USP3: variants seen among roughly 807,000 people sequenced by gnomAD.
The protein encoded by USP3 is ubiquitin carboxyl-terminal hydrolase 3.
In USP3, 20 loss-of-function variants were observed where a neutral mutation model predicts 72.3. The ratio of observed to expected loss-of-function variants is 0.28; its 90% CI spans 0.19 to 0.40. The LOEUF is 0.40. Among genes scored for constraint, USP3 ranks in the 10% least tolerant of loss-of-function variants. The pLI is 1.00. For synonymous variants in USP3, 222 were observed against 225.3 expected (o/e 0.99, Z 0.13); for missense variants, 479 against 633.9 (o/e 0.76, Z 2.62).
Position 63,529,439 on chromosome 15 carries a change from A to G in USP3, c.92-3208A>G, listed in dbSNP as rs1020975272. Among the ~76,000 whole-genome samples the G allele has an allele frequency of 6.6e-6, 1 of 152,104 alleles. No individual in the cohort carries two copies. Among genetic ancestry groups the G allele is most frequent in the African/African-American group, 2.4e-5 (1 of 41,416 alleles). ...GTTCCGAAACATTTTCATAACCCCAAAATAAACTCTATACCAATTAAACAG... is the reference window on the plus strand; with the variant it reads ...GTTCCGAAACATTTTCATAACCCCAGAATAAACTCTATACCAATTAAACAG... On this transcript the variant is annotated intron_variant, in intron 1 of 14. Coordinates refer to ENST00000380324, the MANE Select transcript of USP3 (RefSeq NM_006537.4). This position sits in a 1 kb window ranked among gnomAD's most constrained non-coding sequence, Gnocchi z 4.2.
At chr15:63,560,190 C>T (rs910009061) in intron 7 of USP3, among the ~76,000 whole-genome samples, 4 of 152,048 alleles carry the variant, frequency 2.6e-5, no homozygotes, top group Admixed American at 6.5e-5. Context: ...GATGCTGAGG[C>T]GGGTGGATCA....
rs537468790 is a variant in USP3 at position 63,593,440 on chromosome 15, T to C, written c.*2614T>C. ...CTCTGAATGGGCAGCTGTTAAACAGTAAAGGCCTGGGCAGAGTTGATGGTG... is the reference window on the plus strand; with the variant it reads ...CTCTGAATGGGCAGCTGTTAAACAGCAAAGGCCTGGGCAGAGTTGATGGTG... On this transcript the variant is annotated 3_prime_UTR_variant, in exon 15 of 15. Transcript: ENST00000380324. The C allele has an allele frequency of 1.1e-4, 16 of 152,176 alleles. No homozygotes were observed. Among genetic ancestry groups the C allele is most frequent in the African/African-American group, 3.6e-4 (15 of 41,438 alleles). The allele number at this position is 152,176 out of a possible 1,614,324, so 9.4% of individuals were successfully genotyped here.
chr15:63,566,650 G>A (rs2066696345), intron 8 of USP3, among the ~76,000 whole-genome samples: 1 of 152,256 alleles, frequency 6.6e-6, no homozygotes, highest in African/African-American at 2.4e-5. Context: ...TTTAACAATA[G>A]TCTTTTTGGG....
intron 1 of USP3, among the ~76,000 whole-genome samples, chr15:63,516,227 AC>A (rs1490916876): frequency 6.6e-6 from 1 of 152,140 alleles, no homozygotes; most frequent in African/African-American, 2.4e-5. Flanking sequence ...TTATTTTTTA[AC>A]CCATTCAACG....
chr15:63,548,650 A>G (rs1455613467), intron 3 of USP3, among the ~76,000 whole-genome samples: 1 of 151,884 alleles, frequency 6.6e-6, no homozygotes, highest in African/African-American at 2.4e-5. Flanking sequence ...TTTAATTTTC[A>G]TAAAGATGGA....
rs1237007821 is a variant in USP3 at position 63,570,334 on chromosome 15, G to A, written c.762-99G>A. On this transcript the variant is annotated intron_variant, in intron 8 of 14. Transcript: ENST00000380324. This position sits in a 1 kb window ranked among gnomAD's most constrained non-coding sequence, Gnocchi z 4.4. ...GAAGCCTGGCTGTGCTTGTGAGCAC[G>A]GGGCTGCCGTCCTTTTCCACGCCTT... 38 of 1,511,194 alleles carry A rather than the reference G, an allele frequency of 2.5e-5. No individual in the cohort carries two copies. Among genetic ancestry groups the A allele is most frequent in the Admixed American group, 3.9e-5 (2 of 51,772 alleles). The allele number at this position is 1,511,194 out of a possible 1,614,324, so 93.6% of individuals were successfully genotyped here. A position where few individuals can be genotyped will look rare whatever the true frequency, so the allele number is the denominator to read the frequency against.
At chr15:63,569,866 A>C (rs2066751590) in intron 8 of USP3, among the ~76,000 whole-genome samples, 1 of 152,248 alleles carries the variant, frequency 6.6e-6, no homozygotes, top group African/African-American at 2.4e-5. Context: ...GCATTTTTAA[A>C]AAGTATTTAA....
chr15:63,558,731 TG>T (rs1486178968), intron 6 of USP3, among the ~76,000 whole-genome samples: 1 of 151,376 alleles, frequency 6.6e-6, no homozygotes, highest in Admixed American at 6.6e-5. Flanking sequence ...AAAAATTAGC[TG>T]GGCGTGGTGG....
In USP3 at chr15:63,534,281, T is replaced by G. The variant is rs566673799; in HGVS notation, c.152+1574T>G. On this transcript the variant is annotated intron_variant, in intron 2 of 14. Transcript: ENST00000380324. ...TTTATCATGTAATCCCAGGTGTTGATTGCCAAATTTATTGATTTTTTGGTA... is the reference window on the plus strand; with the variant it reads ...TTTATCATGTAATCCCAGGTGTTGAGTGCCAAATTTATTGATTTTTTGGTA... Among the ~76,000 whole-genome samples the G allele has an allele frequency of 3.9e-5, 6 of 152,326 alleles. No homozygotes were observed. In the East Asian group the frequency reaches 1.2e-3, roughly 29 times the overall value.
At chr15:63,545,982 A>AC in intron 3 of USP3, among the ~76,000 whole-genome samples, 1 of 151,146 alleles carries the variant, frequency 6.6e-6, no homozygotes, top group Non-Finnish European at 1.5e-5. Context: ...AAAAAAAAAA[A>AC]AAAAAAAAAA....
chr15:63,560,288 T>C (rs1000027704), intron 7 of USP3, among the ~76,000 whole-genome samples: 4 of 151,576 alleles, frequency 2.6e-5, no homozygotes, highest in South Asian at 2.1e-4. Flanking sequence ...TGGTGGCGGG[T>C]ACCTGTAATC....
At chr15:63,534,193 CAG>C (rs142466151) in intron 2 of USP3, among the ~76,000 whole-genome samples, 2,014 of 152,234 alleles carry the variant, frequency 0.013, 37 homozygotes, top group African/African-American at 0.042. Context: ...GTAGATTAAA[CAG>C]AAAATTCAGA....
chr15:63,579,485 A>C (rs2066917911), intron 11 of USP3, among the ~76,000 whole-genome samples: 1 of 152,212 alleles, frequency 6.6e-6, no homozygotes, highest in African/African-American at 2.4e-5. Context: ...TTAGGCAATA[A>C]ATGGTGTTAG....
chr15:63,547,180 C>A (rs1175876862), intron 3 of USP3, among the ~76,000 whole-genome samples: 3 of 152,210 alleles, frequency 2.0e-5, no homozygotes, highest in African/African-American at 7.2e-5. Flanking sequence ...CAGGCACTCT[C>A]ACCTTAGAAG....
In USP3 at chr15:63,590,862, G is replaced by C; in HGVS notation, c.*36G>C. 1 of 1,561,328 alleles carries C rather than the reference G, an allele frequency of 6.4e-7. No homozygotes were observed. Among genetic ancestry groups the C allele is most frequent in the South Asian group, 1.2e-5 (1 of 84,018 alleles). ...AAATCATCATTCACCAACCATACCA[G>C]AGAAACATTTCCAGTTTTCCACAAA... On this transcript the variant is annotated 3_prime_UTR_variant, in exon 15 of 15. Coordinates refer to ENST00000380324, the MANE Select transcript of USP3 (RefSeq NM_006537.4).
rs974348661 is a variant in USP3 at position 63,529,797 on chromosome 15, A to G, written c.92-2850A>G. Among the ~76,000 whole-genome samples the G allele has an allele frequency of 2.2e-4, 34 of 152,336 alleles. No individual in the cohort carries two copies. The highest frequency in any genetic ancestry group is 7.2e-4 in the African/African-American group (30 of 41,576). On this transcript the variant is annotated intron_variant, in intron 1 of 14. Coordinates refer to ENST00000380324, the MANE Select transcript of USP3 (RefSeq NM_006537.4). This position sits in a 1 kb window ranked among gnomAD's most constrained non-coding sequence, Gnocchi z 4.2. ...TTTTTCCTCGTACAAAGGAGGGACA[A>G]AAATCCTCCATAATTAAAAAAATAT...
At chr15:63,551,592 T>C (rs1191812989) in intron 3 of USP3, among the ~76,000 whole-genome samples, 1 of 152,194 alleles carries the variant, frequency 6.6e-6, no homozygotes, top group Non-Finnish European at 1.5e-5. Flanking sequence ...GATACGCTTT[T>C]GGGTAATGCT....
At chr15:63,580,217 A>T (rs2066930649) in intron 11 of USP3, among the ~76,000 whole-genome samples, 1 of 152,176 alleles carries the variant, frequency 6.6e-6, no homozygotes, top group Non-Finnish European at 1.5e-5. Context: ...CCATGGAAAT[A>T]TGTGTGTGGA....
At chr15:63,531,371 C>A (rs931588807) in intron 1 of USP3, among the ~76,000 whole-genome samples, 2 of 152,100 alleles carry the variant, frequency 1.3e-5, no homozygotes, top group Non-Finnish European at 2.9e-5. Flanking sequence ...GGTTAATATC[C>A]TACAGGGTAG....
Sources: gnomAD v4.1 joint callset for allele counts (sites outside exome capture counted in the v4.1 genomes callset) on GRCh38, gnomAD v4.1.1 for gene constraint, Gnocchi (gnomAD v3.1) non-coding constraint, MANE v1.5 for transcripts, NCBI Gene and HGNC (gene_info 2026-07-23, HGNC 2026-07-21) for gene names.